The following GPHN variants were observed in gnomAD, a reference collection of about 807,000 sequenced individuals.
GPHN encodes the protein gephyrin.
A neutral mutation model predicts 95.5 loss-of-function variants in GPHN; 17 were observed. That is an observed-to-expected ratio of 0.18 (90% CI 0.12 to 0.27). GPHN has a LOEUF of 0.27. GPHN is among the 10% of genes least tolerant of loss of function. The pLI is 1.00. For synonymous variants in GPHN, 320 were observed against 322.5 expected, an observed-to-expected ratio of 0.99 and a Z score of 0.08; for missense variants, 660 against 978.1, an observed-to-expected ratio of 0.67 and a Z score of 4.34.
At chr14:67,032,201 A>G (rs1372122589) in intron 10 of GPHN, among the ~76,000 whole-genome samples, 1 of 152,170 alleles carries the variant, frequency 6.6e-6, no homozygotes, top group Non-Finnish European at 1.5e-5. Context: ...GTGGAAACAT[A>G]CATCCAATAT....
chr14:67,576,212 G>A, the GPHN span, among the ~76,000 whole-genome samples: 1 of 152,166 alleles, frequency 6.6e-6, no homozygotes, highest in South Asian at 2.1e-4. The surrounding 1 kb of genome is among the most constrained non-coding windows in gnomAD (Gnocchi z 4.0). Context: ...TAATAGAATC[G>A]CAAATTTGGA....
At chr14:67,586,808 A>G in the GPHN span, 7 of 1,429,102 alleles carry the variant, frequency 4.9e-6, no homozygotes, top group South Asian at 8.7e-5. Context: ...CCCTGGTTGT[A>G]GAGCTAACCA....
intron 1 of GPHN, among the ~76,000 whole-genome samples, chr14:66,567,068 A>AT (rs2060490374): frequency 6.6e-6 from 1 of 152,242 alleles, no homozygotes; most frequent in Admixed American, 6.5e-5. Flanking sequence ...AGAAGGAATT[A>AT]CCATCTTGCA....
chr14:67,299,814 G>A, the GPHN span, among the ~76,000 whole-genome samples: 2 of 152,042 alleles, frequency 1.3e-5, no homozygotes, highest in African/African-American at 2.4e-5. Flanking sequence ...TCTCTAATAC[G>A]GAAAATTATT....
chr14:67,730,984 A>T, the GPHN span, among the ~76,000 whole-genome samples: 1 of 152,196 alleles, frequency 6.6e-6, no homozygotes, highest in African/African-American at 2.4e-5. Context: ...TTTTTAAATG[A>T]GATAAAAGAT....
intron 1 of GPHN, among the ~76,000 whole-genome samples, chr14:66,563,898 G>C (rs2060361568): frequency 6.6e-6 from 1 of 152,070 alleles, no homozygotes; most frequent in Non-Finnish European, 1.5e-5. Context: ...CCTTGGTTCT[G>C]ATATTCAGAG....
At chr14:67,005,776 G>T (rs2072564788) in intron 9 of GPHN, among the ~76,000 whole-genome samples, 1 of 151,908 alleles carries the variant, frequency 6.6e-6, no homozygotes, top group South Asian at 2.1e-4. Flanking sequence ...TAATTTCCAT[G>T]TGACTTTTAT....
At chr14:66,632,848 G>A (rs995433150) in intron 1 of GPHN, among the ~76,000 whole-genome samples, 3 of 152,032 alleles carry the variant, frequency 2.0e-5, no homozygotes, top group Non-Finnish European at 4.4e-5. Context: ...TTCCACGTTT[G>A]TTATGCCATG....
the GPHN span, among the ~76,000 whole-genome samples, chr14:67,191,314 G>C: frequency 6.6e-6 from 1 of 152,186 alleles, no homozygotes; most frequent in South Asian, 2.1e-4. Flanking sequence ...TTTCACTATA[G>C]AAATCTTTCA....
rs192883346 is a variant in GPHN, at chr14:67,108,017, T to C, written c.1294-2123T>C. Among the ~76,000 whole-genome samples the C allele has an allele frequency of 3.3e-5, 5 of 152,128 alleles. No individual in the cohort carries two copies. The East Asian group carries it at 7.7e-4, about 24-fold the overall frequency. ...TCTAAGCCTTGCCATAACAGAGCAA[T>C]ATGTCTGGAAAAAGGATGATTAAAG... is the stretch of plus-strand genomic sequence containing the variant. On this transcript the variant is annotated intron_variant, in intron 13 of 22. Coordinates refer to ENST00000478722, the MANE Select transcript of GPHN (RefSeq NM_020806.5).
chr14:67,303,489 A>C, the GPHN span: 8 of 1,534,730 alleles, frequency 5.2e-6, no homozygotes, highest in Admixed American at 1.0e-4. Context: ...CATAAATGCA[A>C]ATTTAAAAAA....
rs1227363056 is a variant in GPHN, at chr14:66,612,410, T to TC, written c.65-68697_65-68696insC. Among the ~76,000 whole-genome samples, 3 of 152,172 alleles carry TC rather than the reference T, an allele frequency of 2.0e-5. No individual in the cohort carries two copies. The East Asian group carries it at 5.8e-4, about 29-fold the overall frequency. ...TACTTTCTACTCCTCTTATTTAATT[T>TC]TTTGTTTTGGAAAATTTAGGGACTA... is the stretch of plus-strand genomic sequence containing the variant. On this transcript the variant is annotated intron_variant, in intron 1 of 22. Transcript: ENST00000478722.
At chr14:66,598,278 C>T (rs2062068210) in intron 1 of GPHN, among the ~76,000 whole-genome samples, 1 of 152,020 alleles carries the variant, frequency 6.6e-6, no homozygotes, top group Non-Finnish European at 1.5e-5. Context: ...TTTAAGTGTT[C>T]GTACCAGAAG....
intron 4 of GPHN, among the ~76,000 whole-genome samples, chr14:66,867,764 T>C (rs1268311963): frequency 6.6e-6 from 1 of 152,226 alleles, no homozygotes; most frequent in Non-Finnish European, 1.5e-5. Flanking sequence ...GATTCTCACA[T>C]TTATGTCAGT....
At chr14:67,360,164 G>C in the GPHN span, 1 of 406,328 alleles carries the variant, frequency 2.5e-6, no homozygotes, top group Non-Finnish European at 4.3e-6. Context: ...TCTTTCTCGC[G>C]CCTTGAAGGT....
At chr14:67,530,731 G>T in the GPHN span, among the ~76,000 whole-genome samples, 1 of 152,190 alleles carries the variant, frequency 6.6e-6, no homozygotes, top group East Asian at 1.9e-4. Context: ...AAGATTATTT[G>T]CCCTTGCATG....
At chr14:66,982,585 GATA>G (rs1378145518) in intron 9 of GPHN, among the ~76,000 whole-genome samples, 1 of 152,084 alleles carries the variant, frequency 6.6e-6, no homozygotes, top group African/African-American at 2.4e-5. Flanking sequence ...GGATCCCATG[GATA>G]ATATCTTTTA....
At chr14:67,610,004 G>A in the GPHN span, among the ~76,000 whole-genome samples, 1 of 152,178 alleles carries the variant, frequency 6.6e-6, no homozygotes, top group Non-Finnish European at 1.5e-5. Context: ...ATGAGAGGAG[G>A]AGAAGGGCCA....
intron 1 of GPHN, among the ~76,000 whole-genome samples, chr14:66,629,188 A>T (rs927956555): frequency 1.9e-4 from 25 of 133,912 alleles, no homozygotes; most frequent in Non-Finnish European, 8.0e-5. Context: ...TACATATATA[A>T]ATATGTATAT....
Sources: gnomAD v4.1 joint callset for allele counts (sites outside exome capture counted in the v4.1 genomes callset) on GRCh38, gnomAD v4.1.1 for gene constraint, Gnocchi (gnomAD v3.1) non-coding constraint, MANE v1.5 for transcripts, NCBI Gene and HGNC (gene_info 2026-07-23, HGNC 2026-07-21) for gene names.